Variants in CDH18 observed in about 807,000 individuals in gnomAD.
CDH18 encodes the protein cadherin 18, also known as cadherin-18.
A neutral mutation model predicts 67.9 loss-of-function variants in CDH18; 31 were observed. The observed-to-expected ratio is 0.46, with a 90% CI of 0.34 to 0.62. CDH18 has a LOEUF of 0.62. CDH18 is among the 20% of genes least tolerant of loss of function. CDH18 has a pLI of 0.01. For synonymous variants in CDH18, 362 were observed against 347.2 expected (o/e 1.04, Z -0.48); for missense variants, 890 against 975.5 (o/e 0.91, Z 1.17).
At chr5:20,491,783 A>G (rs924430423) in intron 1 of CDH18, among the ~76,000 whole-genome samples, 2 of 152,138 alleles carry the variant, frequency 1.3e-5, no homozygotes, top group Admixed American at 1.3e-4. Flanking sequence ...ACTTTCGCAA[A>G]AACATTCAGA....
chr5:19,835,303 A>G (rs541847448), intron 3 of CDH18, among the ~76,000 whole-genome samples: 1 of 152,156 alleles, frequency 6.6e-6, no homozygotes, highest in South Asian at 2.1e-4. Context: ...CTCACTCATA[A>G]GTGGGAGTTG....
At chr5:19,849,315 A>T (rs1581634090) in intron 2 of CDH18, among the ~76,000 whole-genome samples, 1 of 151,942 alleles carries the variant, frequency 6.6e-6, no homozygotes, top group Non-Finnish European at 1.5e-5. Flanking sequence ...TATAGGGCAT[A>T]GGGCACAGTT....
At chr5:19,776,368 G>A (rs1774376573) in intron 3 of CDH18, among the ~76,000 whole-genome samples, 1 of 152,184 alleles carries the variant, frequency 6.6e-6, no homozygotes, top group African/African-American at 2.4e-5. Flanking sequence ...CAATTGGCAA[G>A]AGTGGGAATA....
Position 19,472,488 on chromosome 5 carries a change from T to C in CDH18, c.*738A>G, listed in dbSNP as rs1250330563. The stretch of plus-strand genomic sequence containing the variant: ...TACCTTAAACTATTCTTTCTGTCCA[T>C]TTAAAAATAGGAGTATCCCATTAAA... On this transcript the variant is annotated 3_prime_UTR_variant, in exon 13 of 13. Transcript: ENST00000382275. Among the ~76,000 whole-genome samples the C allele has an allele frequency of 1.3e-5, 2 of 152,144 alleles. No homozygotes were observed. The highest frequency in any genetic ancestry group is 4.8e-5 in the African/African-American group (2 of 41,456).
upstream of CDH18, among the ~76,000 whole-genome samples, chr5:19,992,174 G>A (rs555332543): frequency 2.2e-3 from 333 of 152,166 alleles, 1 homozygote; most frequent in African/African-American, 7.6e-3. Flanking sequence ...TTAGATCCAT[G>A]TGTTCACTTT....
intron 1 of CDH18, among the ~76,000 whole-genome samples, chr5:20,408,188 CT>C (rs1205631178): frequency 6.6e-6 from 1 of 151,972 alleles, no homozygotes; most frequent in Non-Finnish European, 1.5e-5. Flanking sequence ...GGGATAAAGA[CT>C]TTCCCCGGTA....
chr5:20,529,424 G>A (rs528876914), intron 1 of CDH18, among the ~76,000 whole-genome samples: 29 of 152,126 alleles, frequency 1.9e-4, no homozygotes, highest in Non-Finnish European at 3.1e-4. Flanking sequence ...AAACCTGGCA[G>A]AGATACAACA....
At chr5:19,973,113 C>CTGA (rs1798183349) in intron 2 of CDH18, among the ~76,000 whole-genome samples, 1 of 151,936 alleles carries the variant, frequency 6.6e-6, no homozygotes. Flanking sequence ...GCATAAACAA[C>CTGA]TGATTAATTC....
intron 3 of CDH18, among the ~76,000 whole-genome samples, chr5:19,761,489 T>C (rs919833098): frequency 6.6e-6 from 1 of 152,112 alleles, no homozygotes; most frequent in Admixed American, 6.6e-5. Flanking sequence ...CTATCAGTGT[T>C]CTCCATACTA....
At chr5:20,440,190 G>A (rs1749506206) in intron 1 of CDH18, among the ~76,000 whole-genome samples, 1 of 151,772 alleles carries the variant, frequency 6.6e-6, no homozygotes. Flanking sequence ...TTAGAACATA[G>A]CATTAGATCC....
At chr5:20,099,811 TCTCA>T (rs1325389874) in intron 2 of CDH18, among the ~76,000 whole-genome samples, 1 of 152,138 alleles carries the variant, frequency 6.6e-6, no homozygotes, top group Non-Finnish European at 1.5e-5. Flanking sequence ...GGATACAGGG[TCTCA>T]CTCTGTCACC....
intron 4 of CDH18, among the ~76,000 whole-genome samples, chr5:19,737,463 GT>G (rs2150677055): frequency 6.6e-6 from 1 of 152,100 alleles, no homozygotes; most frequent in East Asian, 1.9e-4. Flanking sequence ...GTATGTGTGT[GT>G]TTTTTTCAGA....
rs1165675997 is a variant in CDH18 at position 20,031,618 on chromosome 5, A to T, written c.-517-39604T>A. On this transcript the variant is annotated intron_variant, in intron 2 of 14. Transcript: ENST00000507958. The stretch of plus-strand genomic sequence containing the variant: ...GCTGTGAAGGGAATCCAAGATACTC[A>T]TGCATACACTATTTTGTATTTTTGA... Among the ~76,000 whole-genome samples the T allele has an allele frequency of 2.6e-5, 4 of 152,112 alleles. No individual in the cohort carries two copies. In the South Asian group the frequency reaches 8.3e-4, roughly 31 times the overall value.
intron 5 of CDH18, among the ~76,000 whole-genome samples, chr5:19,618,299 G>A (rs112298786): frequency 1.4e-3 from 212 of 151,702 alleles, no homozygotes; most frequent in African/African-American, 4.4e-3. Flanking sequence ...TCTGCCTCTC[G>A]GGTTCAAGTG....
chr5:19,813,326 T>C (rs542386524), intron 3 of CDH18, among the ~76,000 whole-genome samples: 2 of 152,014 alleles, frequency 1.3e-5, no homozygotes, highest in Admixed American at 6.6e-5. Flanking sequence ...AATAAAACCA[T>C]TGTTTAAAAA....
intron 2 of CDH18, among the ~76,000 whole-genome samples, chr5:19,961,844 G>A (rs1190350017): frequency 6.6e-6 from 1 of 151,576 alleles, no homozygotes; most frequent in Non-Finnish European, 1.5e-5. Context: ...AAAATAATTG[G>A]CCCTTAATCT....
chr5:19,897,414 G>A (rs1789463273), intron 2 of CDH18, among the ~76,000 whole-genome samples: 1 of 152,054 alleles, frequency 6.6e-6, no homozygotes, highest in African/African-American at 2.4e-5. Flanking sequence ...AAATTTAAAA[G>A]ACACATAATA....
chr5:20,474,115 T>C (rs1314377126), intron 1 of CDH18, among the ~76,000 whole-genome samples: 2 of 152,156 alleles, frequency 1.3e-5, no homozygotes, highest in Non-Finnish European at 2.9e-5. Context: ...TTTGAGGTGT[T>C]AGATCAGAAA....
At chr5:19,634,890 T>C (rs1752915117) in intron 5 of CDH18, among the ~76,000 whole-genome samples, 1 of 146,208 alleles carries the variant, frequency 6.8e-6, no homozygotes, top group South Asian at 2.1e-4. Flanking sequence ...TGAGCAGAGA[T>C]CACACCATTG....
Sources: allele counts gnomAD v4.1 joint callset (sites outside exome capture counted in the v4.1 genomes callset), GRCh38; gene constraint gnomAD v4.1.1; transcripts MANE v1.5; gene names NCBI Gene and HGNC (gene_info 2026-07-23, HGNC 2026-07-21).